FHIT: variants seen among roughly 807,000 people sequenced by gnomAD.
FHIT encodes fragile histidine triad diadenosine triphosphatase.
Under a neutral mutation model 17.9 loss-of-function variants are expected in FHIT, and 19 were observed. That is an observed-to-expected ratio of 1.06 (90% CI 0.74 to 1.56). The LOEUF (loss-of-function observed/expected upper bound fraction) is 1.56. Ranked by LOEUF, FHIT falls within the 40% of genes most tolerant of loss-of-function variation. FHIT has a pLI of 0.00. For synonymous variants in FHIT, 81 were observed against 69.7 expected (o/e 1.16, Z -0.81); for missense variants, 248 against 189.2 (o/e 1.31, Z -1.82).
At chr3:60,444,162 T>G (rs1448093679) in intron 5 of FHIT, among the ~76,000 whole-genome samples, 1 of 152,134 alleles carries the variant, frequency 6.6e-6, no homozygotes, top group African/African-American at 2.4e-5. Context: ...TCACACCAGT[T>G]AGAATGGTGA....
At chr3:60,028,998 T>G (rs79994127) in intron 5 of FHIT, among the ~76,000 whole-genome samples, 4 of 152,282 alleles carry the variant, frequency 2.6e-5, no homozygotes, top group Non-Finnish European at 5.9e-5. Context: ...AGTTGCAGGA[T>G]AAGAAAAACA....
chr3:60,432,440 G>A (rs1377987759), intron 5 of FHIT, among the ~76,000 whole-genome samples: 4 of 151,974 alleles, frequency 2.6e-5, no homozygotes, highest in South Asian at 2.1e-4. Context: ...ATCCATATGC[G>A]TCATCTATAA....
intron 4 of FHIT, chr3:60,617,838 GCA>G (rs2038998381): frequency 1.3e-5 from 2 of 148,740 alleles, no homozygotes; most frequent in African/African-American, 5.0e-5. Context: ...TGGTTTTTGG[GCA>G]AAAACCATAG....
chr3:60,185,896 C>T (rs1702138808), intron 5 of FHIT, among the ~76,000 whole-genome samples: 1 of 152,176 alleles, frequency 6.6e-6, no homozygotes, highest in Non-Finnish European at 1.5e-5. Flanking sequence ...AACTCTCTAC[C>T]AACATGTGAC....
chr3:59,755,789 A>C (rs1385715), intron 8 of FHIT, among the ~76,000 whole-genome samples: 53,728 of 152,104 alleles, frequency 0.35, 10,515 homozygotes, highest in African/African-American at 0.52. Context: ...AGCTAGCCTC[A>C]TTGCAAAGGC....
chr3:61,044,911 C>T (rs1005519363), intron 2 of FHIT, among the ~76,000 whole-genome samples: 4 of 152,134 alleles, frequency 2.6e-5, no homozygotes, highest in Non-Finnish European at 5.9e-5. Context: ...GAAATAAAAT[C>T]CTTTACAGAC....
chr3:60,446,070 A>C lies in FHIT; in HGVS notation c.103+90790T>G, dbSNP rs376005353. Among the ~76,000 whole-genome samples the C allele has an allele frequency of 6.6e-5, 10 of 152,220 alleles. No individual in the cohort carries two copies. In the East Asian group the frequency reaches 1.7e-3, roughly 27 times the overall value. On this transcript the variant is annotated intron_variant, in intron 5 of 9. Coordinates refer to ENST00000492590, the MANE Select transcript of FHIT (RefSeq NM_002012.4). ...AATGCCTACAGTACAAGTAGTAACA[A>C]AATTAATGGACCAAGCCAGGAGTGA... is the stretch of plus-strand genomic sequence containing the variant.
chr3:59,999,067 A>G (rs1699626876), intron 7 of FHIT, among the ~76,000 whole-genome samples: 1 of 152,038 alleles, frequency 6.6e-6, no homozygotes, highest in Non-Finnish European at 1.5e-5. Flanking sequence ...ATTTTATTGG[A>G]TCTTACAACA....
At chr3:60,080,877 G>C (rs1347931871) in intron 5 of FHIT, 1 of 152,132 alleles carries the variant, frequency 6.6e-6, no homozygotes, top group Non-Finnish European at 1.5e-5. Context: ...ATAGATGACT[G>C]TTCTTGTGAC....
chr3:60,437,016 C>T (rs1207809111), intron 5 of FHIT, among the ~76,000 whole-genome samples: 2 of 152,048 alleles, frequency 1.3e-5, no homozygotes, highest in African/African-American at 2.4e-5. Flanking sequence ...ACAAGCACCT[C>T]GTATTTTGTA....
At chr3:61,020,557 T>C (rs1466864714) in intron 3 of FHIT, among the ~76,000 whole-genome samples, 4 of 152,172 alleles carry the variant, frequency 2.6e-5, no homozygotes, top group African/African-American at 9.7e-5. Flanking sequence ...TACCATCCAC[T>C]GCAAAAACAT....
At chr3:60,925,846 T>C (rs1355325429) in intron 3 of FHIT, among the ~76,000 whole-genome samples, 3 of 152,010 alleles carry the variant, frequency 2.0e-5, no homozygotes, top group Non-Finnish European at 4.4e-5. Context: ...AGGCTCAAAA[T>C]AAATGGATGG....
chr3:60,114,572 C>T (rs1454997787), intron 5 of FHIT, among the ~76,000 whole-genome samples: 1 of 139,544 alleles, frequency 7.2e-6, no homozygotes, highest in Non-Finnish European at 1.5e-5. Context: ...CAGCTCACTG[C>T]ACTCTTCACC....
chr3:60,182,738 G>A (rs1701991871), intron 5 of FHIT, among the ~76,000 whole-genome samples: 1 of 151,930 alleles, frequency 6.6e-6, no homozygotes, highest in South Asian at 2.1e-4. Flanking sequence ...AGCTATGATG[G>A]CACCACTGCA....
At position 60,570,737 on chromosome 3, in the gene FHIT, T is replaced by TTA. The variant is rs1553655320; in HGVS notation, c.-17-33759_-17-33758insTA. Among the ~76,000 whole-genome samples, 15 of 132,526 alleles carry TTA rather than the reference T, an allele frequency of 1.1e-4. No individual in the cohort carries two copies. In the South Asian group the frequency reaches 1.2e-3, roughly 11 times the overall value. 86.9% of individuals were successfully genotyped at this position (132,526 alleles called of 152,430 possible). Reference sequence around the variant, plus strand: ...AACAATACTTAGTACATTAAAAAATTAAAAAAAAAAAAAAAAAACTATCTC... The same window carrying TTA: ...AACAATACTTAGTACATTAAAAAATTTAAAAAAAAAAAAAAAAAAACTATCTC... On this transcript the variant is annotated intron_variant, in intron 4 of 9. Coordinates refer to ENST00000492590, the MANE Select transcript of FHIT (RefSeq NM_002012.4).
At chr3:60,259,354 G>T (rs905518835) in intron 5 of FHIT, among the ~76,000 whole-genome samples, 1 of 152,084 alleles carries the variant, frequency 6.6e-6, no homozygotes, top group Non-Finnish European at 1.5e-5. Flanking sequence ...ATCTGTTCAG[G>T]GGAAAGCTAT....
intron 5 of FHIT, among the ~76,000 whole-genome samples, chr3:60,087,237 G>A (rs1335844813): frequency 6.6e-6 from 1 of 151,968 alleles, no homozygotes; most frequent in East Asian, 1.9e-4. Context: ...CCTGTCACCT[G>A]AACCATTCTG....
At chr3:60,266,680 TG>T (rs1406276360) in intron 5 of FHIT, among the ~76,000 whole-genome samples, 1 of 151,984 alleles carries the variant, frequency 6.6e-6, no homozygotes, top group Admixed American at 6.6e-5. Flanking sequence ...TCCTGGCCAG[TG>T]ACTTAAGCTT....
intron 2 of FHIT, among the ~76,000 whole-genome samples, chr3:61,107,202 G>C (rs563244982): frequency 1.3e-5 from 2 of 151,962 alleles, no homozygotes; most frequent in South Asian, 4.2e-4. Context: ...TTAAAATTTC[G>C]CATGTAAGTG....
Sources: allele counts gnomAD v4.1 joint callset (sites outside exome capture counted in the v4.1 genomes callset), GRCh38; gene constraint gnomAD v4.1.1; transcripts MANE v1.5; gene names NCBI Gene and HGNC (gene_info 2026-07-23, HGNC 2026-07-21).